Variants in ARMC6 observed in about 807,000 individuals in gnomAD.
ARMC6 encodes the protein armadillo repeat-containing protein 6.
Under a neutral mutation model 49.2 loss-of-function variants are expected in ARMC6, and 43 were observed. That is an observed-to-expected ratio of 0.87 (90% CI 0.69 to 1.13). ARMC6 has a LOEUF of 1.13. Ranked by LOEUF, ARMC6 falls within the 50% of genes most tolerant of loss-of-function variation. ARMC6 has a pLI of 0.00. For synonymous variants in ARMC6, 262 were observed against 289.6 expected (o/e 0.90, Z 0.97); for missense variants, 627 against 682.0 (o/e 0.92, Z 0.90).
intron 2 of ARMC6, chr19:19,040,856 A>T: frequency 2.9e-6 from 1 of 350,414 alleles, no homozygotes; most frequent in Non-Finnish European, 5.8e-6. Flanking sequence ...TTTAATGCTC[A>T]CTTGTCTCAT....
In ARMC6 at chr19:19,034,121, A is replaced by T; in HGVS notation, c.-79-10A>T. ...CGCTTTATTTTCATTCATTTTATTT[A>T]TTCATTCAGCACCTGTGCACTGAGT... is the stretch of plus-strand genomic sequence containing the variant. On this transcript the variant is annotated splice_polypyrimidine_tract_variant and intron_variant, in intron 1 of 8. Coordinates refer to ENST00000535612, the MANE Select transcript of ARMC6 (RefSeq NM_001199196.2). 1 of 822,624 alleles carries T rather than the reference A, an allele frequency of 1.2e-6. No homozygotes were observed. Among genetic ancestry groups the T allele is most frequent in the Non-Finnish European group, 2.0e-6 (1 of 505,976 alleles). The allele number at this position is 822,624 out of a possible 1,614,324, so 51.0% of individuals were successfully genotyped here.
chr19:19,037,928 G>A (rs2145843927), intron 2 of ARMC6, among the ~76,000 whole-genome samples: 1 of 152,312 alleles, frequency 6.6e-6, no homozygotes, highest in South Asian at 2.1e-4. Context: ...GTTAGGACCT[G>A]GGCTGCACAG....
At chr19:19,034,060 C>A in intron 1 of ARMC6, 71 bp from the exon 2 acceptor site, 1 of 625,206 alleles carries the variant, frequency 1.6e-6, no homozygotes, top group Non-Finnish European at 2.8e-6. Flanking sequence ...TTTACAGAAG[C>A]CGCCTGGGGA....
intron 4 of ARMC6, among the ~76,000 whole-genome samples, chr19:19,050,876 C>T (rs760570097): frequency 2.6e-5 from 4 of 152,220 alleles, no homozygotes; most frequent in Non-Finnish European, 1.5e-5. Flanking sequence ...TAATCTCCTA[C>T]ACTTCAGGCT....
In ARMC6 at chr19:19,034,220, G is replaced by A. The variant is rs1420255797; in HGVS notation, c.11G>A (p.Arg4Gln). Residue 4 changes from arginine (R) to glutamine (Q), a missense_variant, in exon 2 of 9, where the codon CGA becomes CAA. Arg to Gln is a conservative substitution (Grantham distance 43). Coordinates refer to ENST00000535612, the MANE Select transcript of ARMC6 (RefSeq NM_001199196.2). The stretch of plus-strand genomic sequence containing the variant: ...ACAGGGTACAAATAAATGAGTGAAC[G>A]ATGTTGCTCTAGATACAGGTAATGG... MSE[R>Q]CCSRYSSGAS... 6.3e-7 allele frequency: 1 copy of A among 1,595,204 alleles called. No homozygotes were observed. The highest frequency in any genetic ancestry group is 1.7e-5 in the Admixed American group (1 of 59,532).
intron 4 of ARMC6, among the ~76,000 whole-genome samples, chr19:19,045,818 A>AT (rs1363762463): frequency 1.3e-5 from 2 of 151,726 alleles, no homozygotes; most frequent in Admixed American, 1.3e-4. Flanking sequence ...TGCCTGGCTA[A>AT]TTTTTTGTAT....
chr19:19,039,865 T>C (rs1328677158), intron 2 of ARMC6, among the ~76,000 whole-genome samples: 1 of 152,224 alleles, frequency 6.6e-6, no homozygotes, highest in Non-Finnish European at 1.5e-5. Flanking sequence ...CTAGTTGACA[T>C]TCTCTTCCCT....
chr19:19,034,291 C>G (rs1325448639), intron 2 of ARMC6, 53 bp downstream of exon 2: 13 of 1,574,238 alleles, frequency 8.3e-6, no homozygotes, highest in Admixed American at 3.6e-5. Context: ...CAGGGCTGCT[C>G]TTTATCTAGA....
intron 4 of ARMC6, among the ~76,000 whole-genome samples, 168 bp downstream of exon 4, chr19:19,044,242 C>T (rs935334369): frequency 1.3e-5 from 2 of 152,238 alleles, no homozygotes; most frequent in African/African-American, 4.8e-5. Context: ...TGTCCGAGGG[C>T]GGCATGCCTT....
intron 8 of ARMC6, 55 bp from the exon 9 acceptor site, chr19:19,057,361 A>G: frequency 6.7e-7 from 1 of 1,488,272 alleles, no homozygotes; most frequent in Non-Finnish European, 9.3e-7. Flanking sequence ...CTGAGGTCAG[A>G]GTGGACCCCA....
At chr19:19,056,177 C>G (rs1410580090) in intron 8 of ARMC6, among the ~76,000 whole-genome samples, 1 of 152,060 alleles carries the variant, frequency 6.6e-6, no homozygotes, top group African/African-American at 2.4e-5. Flanking sequence ...TGCATTTACT[C>G]TCCTTTTTTG....
chr19:19,052,442 C>T (rs2059506952), intron 5 of ARMC6, among the ~76,000 whole-genome samples: 1 of 152,156 alleles, frequency 6.6e-6, no homozygotes, highest in African/African-American at 2.4e-5. Flanking sequence ...CTGGAGCTGT[C>T]TGGGGAAGGG....
At chr19:19,046,934 T>G (rs1220609537) in intron 4 of ARMC6, among the ~76,000 whole-genome samples, 1 of 148,376 alleles carries the variant, frequency 6.7e-6, no homozygotes, top group East Asian at 2.0e-4. Flanking sequence ...CCTGTTTTTT[T>G]TTTTTTTTCT....
intron 2 of ARMC6, among the ~76,000 whole-genome samples, chr19:19,041,974 A>G (rs892773149): frequency 1.3e-5 from 2 of 152,120 alleles, no homozygotes; most frequent in Non-Finnish European, 2.9e-5. Context: ...CAGTGGCGCA[A>G]TCTTGGCCTC....
rs144847096 is a variant in ARMC6, at chr19:19,038,697, C to T, written c.30-4014C>T. On this transcript the variant is annotated intron_variant, in intron 2 of 8. Coordinates refer to ENST00000535612, the MANE Select transcript of ARMC6 (RefSeq NM_001199196.2). The stretch of plus-strand genomic sequence containing the variant: ...GGTTCAAGCCATTCTCCTGCCTCAG[C>T]CTCCCGAGTAGCTGGGATTACAGGC... Among the ~76,000 whole-genome samples, 434 of 152,272 alleles carry T rather than the reference C, an allele frequency of 2.9e-3. 1 individual carries two copies. The highest frequency in any genetic ancestry group is 4.8e-3 in the Non-Finnish European group (327 of 68,020).
chr19:19,048,307 T>C (rs1435287751), intron 4 of ARMC6, among the ~76,000 whole-genome samples: 1 of 151,960 alleles, frequency 6.6e-6, no homozygotes, highest in Non-Finnish European at 1.5e-5. Context: ...GATTGCACCA[T>C]TGCACTCCAG....
rs1178223505 is a variant in ARMC6, at chr19:19,057,487, G to C, written c.1365G>C (p.Leu455=). 3.1e-6 allele frequency: 5 copies of C among 1,613,924 alleles called. No individual in the cohort carries two copies. The highest frequency in any genetic ancestry group is 1.7e-4 in the Middle Eastern group (1 of 6,060). ...GQAFSKPILD[L]GAEALIMQAR... The stretch of plus-strand genomic sequence containing the variant: ...CCTTCTCGAAGCCCATCCTGGACCT[G>C]GGGGCTGAGGCACTCATCATGCAGG... The change falls in exon 9 of 9, where the codon CTG becomes CTC. Residue 455 remains leucine, a synonymous_variant. Coordinates refer to ENST00000535612, the MANE Select transcript of ARMC6 (RefSeq NM_001199196.2).
chr19:19,034,435 C>CA (rs1402849086), intron 2 of ARMC6, among the ~76,000 whole-genome samples, 197 bp downstream of exon 2: 1 of 152,132 alleles, frequency 6.6e-6, no homozygotes, highest in African/African-American at 2.4e-5. Flanking sequence ...GAAGCCACTA[C>CA]CGGGCTTTGA....
chr19:19,033,657 TG>T lies in ARMC6; in HGVS notation c.-351del. 1 of 854,338 alleles carries T rather than the reference TG, an allele frequency of 1.2e-6. No individual in the cohort carries two copies. The highest frequency in any genetic ancestry group is 1.5e-6 in the Non-Finnish European group (1 of 671,758). 52.9% of individuals were successfully genotyped at this position (854,338 alleles called of 1,614,324 possible). ...GTCCGCTTCTTCTGGGCGGACGCTC[TG>T]GAGGCAAAACATTTCCCTGCTGGGG... On this transcript the variant is annotated 5_prime_UTR_variant, in exon 1 of 9. Coordinates refer to ENST00000535612, the MANE Select transcript of ARMC6 (RefSeq NM_001199196.2).
Sources: gnomAD v4.1 joint callset for allele counts (sites outside exome capture counted in the v4.1 genomes callset) on GRCh38, gnomAD v4.1.1 for gene constraint, MANE v1.5 for transcripts, NCBI Gene and HGNC (gene_info 2026-07-23, HGNC 2026-07-21) for gene names.